DYNC2I2: variants seen among roughly 807,000 people sequenced by gnomAD.
DYNC2I2 encodes the protein cytoplasmic dynein 2 intermediate chain 2.
DYNC2I2 carries 39 observed loss-of-function variants against 52.0 expected under a neutral mutation model. The ratio of observed to expected loss-of-function variants is 0.75; its 90% CI spans 0.58 to 0.98. The LOEUF (loss-of-function observed/expected upper bound fraction) is 0.98, where lower values mean the gene tolerates loss of function less well. DYNC2I2 is among the 50% of genes least tolerant of loss of function. The probability of loss-of-function intolerance (pLI) is 0.00; values close to 1 mark genes in which losing one functional copy is unlikely to be tolerated. For synonymous variants in DYNC2I2, 359 were observed against 321.1 expected (o/e 1.12, Z -1.26); for missense variants, 743 against 728.4 (o/e 1.02, Z -0.23).
chr9:128,665,197 C>A, the DYNC2I2 span, among the ~76,000 whole-genome samples: 1 of 151,524 alleles, frequency 6.6e-6, no homozygotes, highest in Non-Finnish European at 1.5e-5. Flanking sequence ...GGATTACAGG[C>A]GCCCGCCACC....
intron 1 of DYNC2I2, among the ~76,000 whole-genome samples, chr9:128,643,692 AGACGACGTGTTG>A (rs1360808114): frequency 1.3e-5 from 2 of 152,172 alleles, no homozygotes; most frequent in East Asian, 3.9e-4. Context: ...GTAAAGCCCA[AGACGACGTGTTG>A]GACTCTGGGA....
At chr9:128,639,872 G>C (rs1357035045) in intron 2 of DYNC2I2, among the ~76,000 whole-genome samples, 1 of 151,918 alleles carries the variant, frequency 6.6e-6, no homozygotes, top group African/African-American at 2.4e-5. Context: ...CACTATGTTG[G>C]CCAGGCTGGT....
the DYNC2I2 span, among the ~76,000 whole-genome samples, chr9:128,669,588 C>G: frequency 6.6e-6 from 1 of 152,182 alleles, no homozygotes; most frequent in East Asian, 1.9e-4. Flanking sequence ...TCCCAGCTAC[C>G]TGGGAGGTTG....
chr9:128,679,262 T>C, the DYNC2I2 span, among the ~76,000 whole-genome samples: 1 of 152,046 alleles, frequency 6.6e-6, no homozygotes, highest in East Asian at 1.9e-4. Flanking sequence ...CGCTTGCCCT[T>C]TGTAAAATCA....
chr9:128,638,215 T>C lies in DYNC2I2; in HGVS notation c.436-1188A>G, dbSNP rs550578960. On this transcript the variant is annotated intron_variant, in intron 2 of 8. Coordinates refer to ENST00000372715, the MANE Select transcript of DYNC2I2 (RefSeq NM_052844.4). ...CAGCCTAAGCAACAGAGCAAGACCC[T>C]GTCTCAAAAAAAAAAAAAAAAGGCC... Among the ~76,000 whole-genome samples, 143 of 137,420 alleles carry C rather than the reference T, an allele frequency of 1.0e-3. 1 individual carries two copies. The highest frequency in any genetic ancestry group is 1.8e-3 in the Non-Finnish European group (116 of 65,032). The allele number at this position is 137,420 out of a possible 152,430, so 90.2% of individuals were successfully genotyped here.
At chr9:128,635,635 C>T (rs919069539) in intron 5 of DYNC2I2, 23 bp downstream of exon 5, 16 of 1,575,998 alleles carry the variant, frequency 1.0e-5, no homozygotes, top group East Asian at 4.7e-5. Flanking sequence ...GGGCCCACCC[C>T]GCCCGGCAGC....
At chr9:128,665,380 A>G in the DYNC2I2 span, among the ~76,000 whole-genome samples, 1 of 152,082 alleles carries the variant, frequency 6.6e-6, no homozygotes, top group African/African-American at 2.4e-5. Context: ...TTACTCAGCC[A>G]GAGATGGGTC....
chr9:128,680,791 C>T, the DYNC2I2 span, among the ~76,000 whole-genome samples: 1 of 152,102 alleles, frequency 6.6e-6, no homozygotes, highest in Non-Finnish European at 1.5e-5. Flanking sequence ...TCTCCTGCCT[C>T]AGCCTCCTGA....
At chr9:128,636,197 C>T in intron 4 of DYNC2I2, 84 bp downstream of exon 4, 1 of 1,539,924 alleles carries the variant, frequency 6.5e-7, no homozygotes, top group Non-Finnish European at 8.8e-7. Context: ...GGCCAAAGGG[C>T]CCATGGAAAG....
upstream of DYNC2I2, among the ~76,000 whole-genome samples, chr9:128,660,361 C>T (rs1236569194): frequency 1.3e-5 from 2 of 151,884 alleles, no homozygotes; most frequent in Non-Finnish European, 2.9e-5. Context: ...CTGCCCACCT[C>T]GGCCTCCCAA....
In DYNC2I2 at chr9:128,646,487, G is replaced by A. The variant is rs554870296; in HGVS notation, c.187-5548C>T. ...GCTTCCCAAAGTGCTGGGATTACAGGCATGAGCCACCTGGCCCAGATTTTC... is the reference window on the plus strand; with the variant it reads ...GCTTCCCAAAGTGCTGGGATTACAGACATGAGCCACCTGGCCCAGATTTTC... On this transcript the variant is annotated intron_variant, in intron 1 of 8. Coordinates refer to ENST00000372715, the MANE Select transcript of DYNC2I2 (RefSeq NM_052844.4). 5.9e-5 allele frequency among the ~76,000 whole-genome samples: 9 copies of A among 152,312 alleles called. No homozygotes were observed. In the East Asian group the frequency reaches 1.5e-3, roughly 26 times the overall value.
chr9:128,652,600 G>C (rs1860738525), intron 1 of DYNC2I2, among the ~76,000 whole-genome samples: 1 of 136,690 alleles, frequency 7.3e-6, no homozygotes, highest in Admixed American at 7.7e-5. Context: ...TCTAGCCTGG[G>C]CAACAAGAAT....
In DYNC2I2 at chr9:128,636,271, G is replaced by A; in HGVS notation, c.703+10C>T. ...GAGAGGAGAGGAGGCGGACACAGCA[G>A]GCAGCTCACCTGCGACGTGGGAGGG... On this transcript the variant is annotated intron_variant, in intron 4 of 8. Transcript: ENST00000372715. 1 of 1,559,742 alleles carries A rather than the reference G, an allele frequency of 6.4e-7. No individual in the cohort carries two copies. The highest frequency in any genetic ancestry group is 8.7e-7 in the Non-Finnish European group (1 of 1,151,956).
chr9:128,641,714 T>G (rs1027726414), intron 1 of DYNC2I2, among the ~76,000 whole-genome samples: 3 of 151,992 alleles, frequency 2.0e-5, no homozygotes, highest in Admixed American at 6.6e-5. Flanking sequence ...CCACACTCCC[T>G]CCTTCCCATC....
intron 2 of DYNC2I2, 88 bp from the exon 3 acceptor site, chr9:128,637,115 C>G: frequency 2.2e-6 from 2 of 906,110 alleles, no homozygotes; most frequent in Non-Finnish European, 3.5e-6. Context: ...CCAGGCCACC[C>G]TTAGCCCTAG....
chr9:128,644,633 C>T (rs1860578948), intron 1 of DYNC2I2, among the ~76,000 whole-genome samples: 1 of 152,128 alleles, frequency 6.6e-6, no homozygotes, highest in African/African-American at 2.4e-5. Context: ...GCATCTCAGC[C>T]ACGGTGCCCT....
At chr9:128,674,130 T>G in the DYNC2I2 span, among the ~76,000 whole-genome samples, 395 of 150,050 alleles carry the variant, frequency 2.6e-3, 3 homozygotes, top group Admixed American at 7.0e-3. Context: ...TTTTTTTTGT[T>G]TTGTGTGTGT....
chr9:128,656,188 C>T (rs142682960), intron 1 of DYNC2I2, among the ~76,000 whole-genome samples: 210 of 150,422 alleles, frequency 1.4e-3, no homozygotes, highest in African/African-American at 4.8e-3. Flanking sequence ...CCAGCCTGGG[C>T]GACAGAGCGA....
intron 1 of DYNC2I2, among the ~76,000 whole-genome samples, chr9:128,655,482 G>T (rs2132186745): frequency 7.0e-6 from 1 of 143,774 alleles, no homozygotes; most frequent in African/African-American, 2.6e-5. Flanking sequence ...TTGCACTCCA[G>T]CCCGGGCGAC....
Sources: allele counts gnomAD v4.1 joint callset (sites outside exome capture counted in the v4.1 genomes callset), GRCh38; gene constraint gnomAD v4.1.1; transcripts MANE v1.5; gene names NCBI Gene and HGNC (gene_info 2026-07-23, HGNC 2026-07-21).